NACC2: variants seen among roughly 807,000 people sequenced by gnomAD.
NACC2 encodes the protein NACC family member 2.
In NACC2, 8 loss-of-function variants were observed where a neutral mutation model predicts 25.1. The observed-to-expected ratio is 0.32, with a 90% CI of 0.19 to 0.57. The LOEUF (loss-of-function observed/expected upper bound fraction) is 0.57, where lower values mean the gene tolerates loss of function less well. NACC2 is among the 20% of genes least tolerant of loss of function. The pLI, the probability that NACC2 is intolerant of heterozygous loss-of-function variation, is 0.89. For synonymous variants in NACC2, 435 were observed against 294.7 expected (o/e 1.48, Z -4.88); for missense variants, 644 against 650.2 (o/e 0.99, Z 0.10).
At position 136,053,937 on chromosome 9, in the gene NACC2, C is replaced by T. The variant is rs916289834; in HGVS notation, c.-59-3357G>A. Reference sequence around the variant, plus strand: ...GCTCTCAGCCTGTCCCTTCCAGCAGCAAGAGGGTCCTGGCCTGTTGGCAAG... The same window carrying T: ...GCTCTCAGCCTGTCCCTTCCAGCAGTAAGAGGGTCCTGGCCTGTTGGCAAG... On this transcript the variant is annotated intron_variant, in intron 1 of 5. Transcript: ENST00000277554. Among the ~76,000 whole-genome samples the T allele has an allele frequency of 8.5e-5, 13 of 152,316 alleles. No homozygotes were observed. The South Asian group carries it at 2.7e-3, about 32-fold the overall frequency.
rs995881749 is a variant in NACC2 at position 136,050,541 on chromosome 9, G to A, written c.-20C>T. 91 of 754,332 alleles carry A rather than the reference G, an allele frequency of 1.2e-4. No individual in the cohort carries two copies. The African/African-American group carries it at 1.4e-3, about 11-fold the overall frequency. The allele number at this position is 754,332 out of a possible 1,614,324, so 46.7% of individuals were successfully genotyped here. A position where few individuals can be genotyped will look rare whatever the true frequency, so the allele number is the denominator to read the frequency against. On this transcript the variant is annotated 5_prime_UTR_variant, in exon 2 of 6. Coordinates refer to ENST00000277554, the MANE Select transcript of NACC2 (RefSeq NM_144653.5). ...AGACATGGCGGGCGGGCAGCGGCGG[G>A]GCTGGGCTCTCAGCGCGGGGCGGCC...
rs573716696 is a variant in NACC2, at chr9:136,011,971, C to T, written c.1309G>A (p.Ala437Thr). ...CGGGCGTTGGTGCACATGTCCGCGG[C>T]GATCACGTTCATCTCGCTCTCCTTG... ...SFKESEMNVI[A>T]ADMCTNARRV... Residue 437 changes from alanine to threonine, a missense_variant, in exon 6 of 6, where the codon GCC (alanine) becomes ACC (threonine). Coordinates refer to ENST00000277554, the MANE Select transcript of NACC2 (RefSeq NM_144653.5). 8 of 1,605,664 alleles carry T rather than the reference C, an allele frequency of 5.0e-6. No individual in the cohort carries two copies. Among genetic ancestry groups the T allele is most frequent in the South Asian group, 3.3e-5 (3 of 90,310 alleles).
At position 136,011,797 on chromosome 9, in the gene NACC2, T is replaced by C. The variant is rs765590998; in HGVS notation, c.1483A>G (p.Ile495Val). 9 of 1,579,974 alleles carry C rather than the reference T, an allele frequency of 5.7e-6. No individual in the cohort carries two copies. In the African/African-American group the frequency reaches 1.1e-4, roughly 19 times the overall value. ...PAAAQVFEQRIYAERRGDAAT... is the reference protein window; with the variant it reads ...PAAAQVFEQRVYAERRGDAAT... The stretch of plus-strand genomic sequence containing the variant: ...GCGTCGCCCCGCCGCTCGGCGTAGA[T>C]GCGTTGCTCGAACACCTGTGCCGCG... The change falls in exon 6 of 6, where the codon ATC becomes GTC. Residue 495 changes from isoleucine (I) to valine (V), a missense_variant. Transcript: ENST00000277554.
At position 136,011,134 on chromosome 9, in the gene NACC2, C is replaced by G. The variant is rs558100445; in HGVS notation, c.*382G>C. On this transcript the variant is annotated 3_prime_UTR_variant, in exon 6 of 6. Transcript: ENST00000277554. ...GCCCAGCCCCCTCGCCACAGACCAC[C>G]GCCGGCCCCTGCTTCGTCTTCCGGG... 6.1e-6 allele frequency: 1 copy of G among 163,712 alleles called. No homozygotes were observed. The highest frequency in any genetic ancestry group is 2.4e-5 in the African/African-American group (1 of 41,970). The allele number at this position is 163,712 out of a possible 1,614,324, so 10.1% of individuals were successfully genotyped here.
chr9:136,061,890 C>T (rs1047000125), intron 1 of NACC2, among the ~76,000 whole-genome samples: 18 of 152,042 alleles, frequency 1.2e-4, no homozygotes, highest in African/African-American at 4.1e-4. Flanking sequence ...GAGGCCAAGG[C>T]GGGCGGATCA....
intron 1 of NACC2, among the ~76,000 whole-genome samples, chr9:136,063,000 GTCT>G (rs1224770102): frequency 1.3e-5 from 2 of 152,238 alleles, no homozygotes; most frequent in Non-Finnish European, 2.9e-5. Context: ...CCCCATGCCT[GTCT>G]TCTTGTGTCT....
chr9:136,075,574 T>C (rs534120629), intron 1 of NACC2, among the ~76,000 whole-genome samples: 1 of 152,234 alleles, frequency 6.6e-6, no homozygotes, highest in African/African-American at 2.4e-5. Flanking sequence ...GCATCTTCTT[T>C]TATCGGGCAT....
In NACC2 at chr9:136,011,510, C is replaced by G. The variant is rs754642389; in HGVS notation, c.*6G>C. ...CTCGGTCCCTCGCGCAGCCACCCAG[C>G]TCCGCTTACAAGGTCCCTGCATAGG... On this transcript the variant is annotated 3_prime_UTR_variant, in exon 6 of 6. Transcript: ENST00000277554. The G allele has an allele frequency of 7.3e-6, 10 of 1,376,876 alleles. No homozygotes were observed. Among genetic ancestry groups the G allele is most frequent in the Non-Finnish European group, 8.4e-6 (9 of 1,068,032 alleles). 85.3% of individuals were successfully genotyped at this position (1,376,876 alleles called of 1,614,324 possible).
chr9:136,013,166 C>CCCCA lies in NACC2; in HGVS notation c.1255+29_1255+32dup, dbSNP rs1840139768. The CCCCA allele has an allele frequency of 1.7e-6, 1 of 575,624 alleles. No individual in the cohort carries two copies. The highest frequency in any genetic ancestry group is 2.2e-5 in the Admixed American group (1 of 45,708). The allele number at this position is 575,624 out of a possible 1,614,324, so 35.7% of individuals were successfully genotyped here. On this transcript the variant is annotated intron_variant, in intron 5 of 5. Transcript: ENST00000277554. This position sits in a 1 kb window ranked among gnomAD's most constrained non-coding sequence, Gnocchi z 6.6. Reference sequence around the variant, plus strand: ...GGCTGGGATCTGAACCCAGCCCCGGCCCCACCCACCCGAGAGACCCCCAGG... The same window carrying CCCCA: ...GGCTGGGATCTGAACCCAGCCCCGGCCCCACCCACCCACCCGAGAGACCCCCAGG...
rs555567707 is a variant in NACC2 at position 136,032,473 on chromosome 9, T to C, written c.887-16044A>G. The stretch of plus-strand genomic sequence containing the variant: ...GTAAGGCCTAGAGCAAACATCCTAC[T>C]TAAAGAGGAACAGTGGAAGCTTTTC... On this transcript the variant is annotated intron_variant, in intron 2 of 5. Coordinates refer to ENST00000277554, the MANE Select transcript of NACC2 (RefSeq NM_144653.5). 2.0e-5 allele frequency among the ~76,000 whole-genome samples: 3 copies of C among 152,300 alleles called. No individual in the cohort carries two copies. The East Asian group carries it at 5.8e-4, about 29-fold the overall frequency.
At chr9:136,071,679 C>T (rs2131178778) in intron 1 of NACC2, among the ~76,000 whole-genome samples, 1 of 151,836 alleles carries the variant, frequency 6.6e-6, no homozygotes, top group East Asian at 1.9e-4. Context: ...TGGGAGAAAT[C>T]AGGCTACCTG....
rs1421088248 is a variant in NACC2, at chr9:136,011,465, G to C, written c.*51C>G. 3 of 1,321,420 alleles carry C rather than the reference G, an allele frequency of 2.3e-6. No homozygotes were observed. The highest frequency in any genetic ancestry group is 1.5e-5 in the African/African-American group (1 of 65,962). 81.9% of individuals were successfully genotyped at this position (1,321,420 alleles called of 1,614,324 possible). A position where few individuals can be genotyped will look rare whatever the true frequency, so the allele number is the denominator to read the frequency against. ...GATCACATTTGTTTGTATTAGTAAC[G>C]CATGCAAGCAGCTCTAGTACTCGGT... On this transcript the variant is annotated 3_prime_UTR_variant, in exon 6 of 6. Coordinates refer to ENST00000277554, the MANE Select transcript of NACC2 (RefSeq NM_144653.5).
intron 2 of NACC2, among the ~76,000 whole-genome samples, chr9:136,030,214 C>A (rs980072682): frequency 6.6e-6 from 1 of 151,876 alleles, no homozygotes; most frequent in African/African-American, 2.4e-5. Flanking sequence ...GAAATATACA[C>A]CCCATCCTTA....
intron 1 of NACC2, among the ~76,000 whole-genome samples, chr9:136,081,706 C>G (rs915542065): frequency 1.6e-4 from 24 of 152,220 alleles, no homozygotes; most frequent in African/African-American, 5.5e-4. Flanking sequence ...CAGGAACACA[C>G]ACAGCCCCTC....
chr9:136,015,799 C>T (rs1840190868), intron 3 of NACC2, among the ~76,000 whole-genome samples: 1 of 152,202 alleles, frequency 6.6e-6, no homozygotes, highest in Admixed American at 6.5e-5. Context: ...AGCTATGACG[C>T]CAAAGGAATC....
intron 1 of NACC2, among the ~76,000 whole-genome samples, chr9:136,093,330 ATTT>A (rs1224866980): frequency 6.6e-6 from 1 of 152,128 alleles, no homozygotes; most frequent in Admixed American, 6.5e-5. Context: ...GGATTGAAGA[ATTT>A]TTTAAAAGTC....
intron 2 of NACC2, among the ~76,000 whole-genome samples, chr9:136,033,940 T>TGTGTGTGTGA (rs1491487263): frequency 1.0e-4 from 15 of 144,672 alleles, no homozygotes; most frequent in East Asian, 6.3e-4. Flanking sequence ...TGTGTGTGTG[T>TGTGTGTGTGA]GAGATATTTG....
At chr9:136,071,284 C>T (rs950542399) in intron 1 of NACC2, among the ~76,000 whole-genome samples, 1 of 151,530 alleles carries the variant, frequency 6.6e-6, no homozygotes, top group African/African-American at 2.4e-5. Flanking sequence ...GTGGCTCACG[C>T]CTATAATCCC....
chr9:136,074,404 G>A (rs1269071352), intron 1 of NACC2, among the ~76,000 whole-genome samples: 1 of 143,022 alleles, frequency 7.0e-6, no homozygotes. Flanking sequence ...AGTGAGCCGA[G>A]GTTGTGCCAC....
Sources: gnomAD v4.1 joint callset for allele counts (sites outside exome capture counted in the v4.1 genomes callset) on GRCh38, gnomAD v4.1.1 for gene constraint, Gnocchi (gnomAD v3.1) non-coding constraint, MANE v1.5 for transcripts, NCBI Gene and HGNC (gene_info 2026-07-23, HGNC 2026-07-21) for gene names.